The following GK5 variants were observed in gnomAD, a reference collection of about 807,000 sequenced individuals.
The protein encoded by GK5 is ATP:glycerol 3-phosphotransferase 5.
A neutral mutation model predicts 77.3 loss-of-function variants in GK5; 39 were observed. That is an observed-to-expected ratio of 0.50 (90% CI 0.39 to 0.66). GK5 has a LOEUF of 0.66. Ranked by LOEUF, GK5 falls within the 30% of genes least tolerant of loss-of-function variation. The pLI is 0.00. For synonymous variants in GK5, 211 were observed against 208.0 expected, an observed-to-expected ratio of 1.01 and a Z score of -0.13; for missense variants, 487 against 633.8, an observed-to-expected ratio of 0.77 and a Z score of 2.49.
In GK5 at chr3:142,181,555, T is replaced by A; in HGVS notation, c.954A>T (p.Pro318=). Residue 318 remains proline (P), a synonymous_variant, in exon 11 of 16, where the codon CCA becomes CCT. Transcript: ENST00000392993. ...SLQQTTGGFY[P]LIGWKIGQEV... Reference sequence around the variant, plus strand: ...CTTGCCCAATCTTCCACCCAATTAATGGATAAAAGCCTTGCAAAACAAACA... The same window carrying A: ...CTTGCCCAATCTTCCACCCAATTAAAGGATAAAAGCCTTGCAAAACAAACA... The A allele has an allele frequency of 6.2e-7, 1 of 1,610,984 alleles. No individual in the cohort carries two copies. Among genetic ancestry groups the A allele is most frequent in the African/African-American group, 1.3e-5 (1 of 74,944 alleles).
intron 3 of GK5, among the ~76,000 whole-genome samples, chr3:142,207,683 A>G (rs916755349): frequency 3.3e-5 from 5 of 152,304 alleles, no homozygotes; most frequent in Non-Finnish European, 5.9e-5. Flanking sequence ...ATGCTGGTAT[A>G]TCCAGTGCAT....
rs1177344659 is a variant in GK5, at chr3:142,157,609, T to G, written c.*8013A>C. 6.6e-6 allele frequency: 1 copy of G among 152,234 alleles called. No homozygotes were observed. The highest frequency in any genetic ancestry group is 1.5e-5 in the Non-Finnish European group (1 of 68,034). The allele number at this position is 152,234 out of a possible 1,614,324, so 9.4% of individuals were successfully genotyped here. A position where few individuals can be genotyped will look rare whatever the true frequency, so the allele number is the denominator to read the frequency against. On this transcript the variant is annotated 3_prime_UTR_variant, in exon 16 of 16. Coordinates refer to ENST00000392993, the MANE Select transcript of GK5 (RefSeq NM_001039547.3). Reference sequence around the variant, plus strand: ...TTTCCCAAATAATTTTAGATTATAATTTTCAGAAAGGATTTTTAACATCTG... The same window carrying G: ...TTTCCCAAATAATTTTAGATTATAAGTTTCAGAAAGGATTTTTAACATCTG...
Position 142,213,662 on chromosome 3 carries a change from T to C in GK5, c.242-61A>G. ...GCCAGTGATATTTTTCTTTATAATATTACAATATAGAAAAAGAAATCCAAT... is the reference window on the plus strand; with the variant it reads ...GCCAGTGATATTTTTCTTTATAATACTACAATATAGAAAAAGAAATCCAAT... On this transcript the variant is annotated intron_variant, in intron 2 of 15. Coordinates refer to ENST00000392993, the MANE Select transcript of GK5 (RefSeq NM_001039547.3). 5 of 1,071,106 alleles carry C rather than the reference T, an allele frequency of 4.7e-6. No homozygotes were observed. The South Asian group carries it at 6.7e-5, about 14-fold the overall frequency. 66.4% of individuals were successfully genotyped at this position (1,071,106 alleles called of 1,614,324 possible).
chr3:142,181,669 T>A, intron 10 of GK5, 104 bp from the exon 11 acceptor site: 1 of 734,712 alleles, frequency 1.4e-6, no homozygotes, highest in Non-Finnish European at 2.3e-6. Flanking sequence ...GCAAAGTGCC[T>A]CTGAAGTCAG....
intron 9 of GK5, chr3:142,184,970 GATA>G: frequency 1.0e-6 from 1 of 985,462 alleles, no homozygotes; most frequent in Non-Finnish European, 1.2e-6. Context: ...CTCTCTAAAT[GATA>G]ATGATTTTGT....
intron 1 of GK5, among the ~76,000 whole-genome samples, chr3:142,221,217 C>A (rs1017020807): frequency 3.3e-5 from 5 of 152,034 alleles, no homozygotes; most frequent in African/African-American, 9.7e-5. Flanking sequence ...GTGAGCTCAT[C>A]AAAAAAACAG....
intron 1 of GK5, among the ~76,000 whole-genome samples, chr3:142,216,921 T>C (rs1431250687): frequency 6.6e-6 from 1 of 152,188 alleles, no homozygotes; most frequent in Non-Finnish European, 1.5e-5. Context: ...ACTGAATTTG[T>C]AGCCTGAACC....
chr3:142,183,070 T>A (rs570775666), intron 9 of GK5, 21 bp from the exon 10 acceptor site: 1 of 1,612,860 alleles, frequency 6.2e-7, no homozygotes, highest in South Asian at 1.1e-5. Flanking sequence ...TGTTCAAATG[T>A]AAACCCATTG....
At chr3:142,220,273 C>G (rs2064323881) in intron 1 of GK5, among the ~76,000 whole-genome samples, 1 of 152,114 alleles carries the variant, frequency 6.6e-6, no homozygotes, top group Admixed American at 6.5e-5. Context: ...ATAGCTGGGA[C>G]TACAGGCACC....
At chr3:142,215,363 A>C (rs917957044) in intron 2 of GK5, among the ~76,000 whole-genome samples, 1 of 152,222 alleles carries the variant, frequency 6.6e-6, no homozygotes, top group Non-Finnish European at 1.5e-5. Flanking sequence ...AATGGCGAGC[A>C]TTTATATTAC....
intron 3 of GK5, among the ~76,000 whole-genome samples, chr3:142,206,419 C>T (rs889150811): frequency 6.6e-6 from 1 of 152,220 alleles, no homozygotes; most frequent in Non-Finnish European, 1.5e-5. Flanking sequence ...TCCTCACCAA[C>T]ACTTGTTATC....
chr3:142,192,625 A>G (rs923589078), intron 5 of GK5, among the ~76,000 whole-genome samples: 3 of 152,034 alleles, frequency 2.0e-5, no homozygotes, highest in Non-Finnish European at 4.4e-5. Context: ...TTAACTGGGC[A>G]TGGTGGCAGG....
At chr3:142,214,717 G>T (rs956367834) in intron 2 of GK5, among the ~76,000 whole-genome samples, 2 of 152,150 alleles carry the variant, frequency 1.3e-5, no homozygotes, top group Admixed American at 6.5e-5. Context: ...ATTGAAAAAA[G>T]AAGTTTTTTT....
At chr3:142,219,635 A>G (rs1394463394) in intron 1 of GK5, among the ~76,000 whole-genome samples, 1 of 152,236 alleles carries the variant, frequency 6.6e-6, no homozygotes, top group Non-Finnish European at 1.5e-5. Flanking sequence ...ACATGTCCTA[A>G]AGTTCACATA....
chr3:142,191,036 G>T, intron 5 of GK5, among the ~76,000 whole-genome samples: 1 of 149,958 alleles, frequency 6.7e-6, no homozygotes, highest in Non-Finnish European at 1.5e-5. Flanking sequence ...CAGCCAAAAA[G>T]AAGTATAAAT....
At chr3:142,187,406 C>T (rs1272456720) in intron 6 of GK5, among the ~76,000 whole-genome samples, 2 of 151,784 alleles carry the variant, frequency 1.3e-5, no homozygotes, top group Non-Finnish European at 2.9e-5. Context: ...GAGTTCAAGA[C>T]CAGCGTGGGC....
intron 12 of GK5, among the ~76,000 whole-genome samples, chr3:142,174,014 T>C (rs1463641545): frequency 6.6e-6 from 1 of 152,200 alleles, no homozygotes; most frequent in East Asian, 1.9e-4. Context: ...ATGAGGTCTC[T>C]GTTTTTATGG....
intron 5 of GK5, among the ~76,000 whole-genome samples, chr3:142,191,595 T>C (rs1461216483): frequency 1.3e-5 from 2 of 151,440 alleles, no homozygotes; most frequent in African/African-American, 4.8e-5. Flanking sequence ...CCCAGTACTT[T>C]GGGAGGCCGA....
chr3:142,169,575 G>A (rs987825421), intron 15 of GK5, among the ~76,000 whole-genome samples: 8 of 151,326 alleles, frequency 5.3e-5, no homozygotes, highest in Non-Finnish European at 2.9e-5. Context: ...ATTCAAAGTT[G>A]AGCCTAAATT....
Sources: gnomAD v4.1 joint callset for allele counts (sites outside exome capture counted in the v4.1 genomes callset) on GRCh38, gnomAD v4.1.1 for gene constraint, MANE v1.5 for transcripts, NCBI Gene and HGNC (gene_info 2026-07-23, HGNC 2026-07-21) for gene names.